The following NLRP4 variants were observed in gnomAD, a reference collection of about 807,000 sequenced individuals.
The protein encoded by NLRP4 is NACHT, LRR and PYD domains-containing protein 4.
NLRP4 carries 44 observed loss-of-function variants against 84.7 expected under a neutral mutation model. The observed-to-expected ratio is 0.52, with a 90% CI of 0.41 to 0.67. The LOEUF is 0.67. Among genes scored for constraint, NLRP4 ranks in the 30% least tolerant of loss-of-function variants. NLRP4 has a pLI of 0.00. For missense variants in NLRP4, 1,260 were observed against 1,219.4 expected (o/e 1.03, Z -0.50); for synonymous variants, 544 against 476.4 (o/e 1.14, Z -1.85).
intron 5 of NLRP4, among the ~76,000 whole-genome samples, chr19:55,862,958 T>G (rs943022951): frequency 3.3e-5 from 5 of 152,210 alleles, no homozygotes; most frequent in Non-Finnish European, 2.9e-5. Context: ...TCTGGCAGAT[T>G]ATGTAACCCA....
chr19:55,879,644 C>T (rs1210439049), intron 9 of NLRP4, among the ~76,000 whole-genome samples: 1 of 152,184 alleles, frequency 6.6e-6, no homozygotes, highest in Non-Finnish European at 1.5e-5. Flanking sequence ...ACTGGCGCAG[C>T]TGCTGGCATT....
At position 55,881,651 on chromosome 19, in the gene NLRP4, C is replaced by T. The variant is rs1053213929; in HGVS notation, c.*64C>T. Reference sequence around the variant, plus strand: ...GGACAGGGACTGGGACCGTTACTTACATGACACTGCACCCAGGAGATACAA... The same window carrying T: ...GGACAGGGACTGGGACCGTTACTTATATGACACTGCACCCAGGAGATACAA... On this transcript the variant is annotated 3_prime_UTR_variant, in exon 10 of 10. Transcript: ENST00000301295. 1.3e-6 allele frequency: 1 copy of T among 759,138 alleles called. No homozygotes were observed. The highest frequency in any genetic ancestry group is 2.3e-6 in the Non-Finnish European group (1 of 429,978). 47.0% of individuals were successfully genotyped at this position (759,138 alleles called of 1,614,324 possible). A position where few individuals can be genotyped will look rare whatever the true frequency, so the allele number is the denominator to read the frequency against.
chr19:55,859,290 G>A (rs747357324), intron 3 of NLRP4, 41 bp downstream of exon 3: 2 of 1,516,394 alleles, frequency 1.3e-6, no homozygotes, highest in African/African-American at 2.8e-5. Context: ...CTCAGAATCT[G>A]TCTGTATTCC....
intron 1 of NLRP4, among the ~76,000 whole-genome samples, chr19:55,842,532 T>C (rs1983650662): frequency 6.6e-6 from 1 of 151,882 alleles, no homozygotes. Flanking sequence ...CCTTTTTCTT[T>C]TTTTTTTAGA....
Position 55,861,599 on chromosome 19 carries a change from A to G in NLRP4, c.2018+52A>G, listed in dbSNP as rs759913191. ...AGTATGTCACGGAGATGACCTATTC[A>G]TCTCACCTCTAGCTTTCAGTCGAGG... On this transcript the variant is annotated intron_variant, in intron 4 of 9. Transcript: ENST00000301295. 6 of 1,541,698 alleles carry G rather than the reference A, an allele frequency of 3.9e-6. No individual in the cohort carries two copies. In the African/African-American group the frequency reaches 6.8e-5, roughly 17 times the overall value.
Position 55,846,865 on chromosome 19 carries a change from A to G in NLRP4, c.-65-5151A>G, listed in dbSNP as rs181842721. ...ACGCAGGGGAGAAGCCATGAAGGTC[A>G]CCTTTCCATCATCATATTCTCATTC... On this transcript the variant is annotated intron_variant, in intron 1 of 9. Transcript: ENST00000301295. 3.0e-4 allele frequency among the ~76,000 whole-genome samples: 45 copies of G among 152,276 alleles called. 1 individual carries two copies. Among genetic ancestry groups the G allele is most frequent in the African/African-American group, 9.1e-4 (38 of 41,562 alleles).
rs1393089238 is a variant in NLRP4 at position 55,861,563 on chromosome 19, A to G, written c.2018+16A>G. ...AGAAGCTTGGGTGAGTTGAGAATCG[A>G]CTTCGACTCGAGTATGTCACGGAGA... On this transcript the variant is annotated intron_variant, in intron 4 of 9. Transcript: ENST00000301295. 1.5e-5 allele frequency: 24 copies of G among 1,611,430 alleles called. No homozygotes were observed. The highest frequency in any genetic ancestry group is 2.0e-5 in the Non-Finnish European group (24 of 1,178,052).
At chr19:55,859,462 A>G (rs777785911) in intron 3 of NLRP4, among the ~76,000 whole-genome samples, 10 of 152,086 alleles carry the variant, frequency 6.6e-5, no homozygotes, top group Admixed American at 2.0e-4. Flanking sequence ...CCCATTACAG[A>G]AGGGGGAATA....
intron 2 of NLRP4, among the ~76,000 whole-genome samples, chr19:55,853,954 T>G (rs1470973170): frequency 6.6e-6 from 1 of 151,634 alleles, no homozygotes; most frequent in Non-Finnish European, 1.5e-5. Flanking sequence ...TGTCTTTCTC[T>G]CTATTTCTCT....
chr19:55,849,712 A>T (rs970185770), intron 1 of NLRP4, among the ~76,000 whole-genome samples: 1 of 152,248 alleles, frequency 6.6e-6, no homozygotes, highest in African/African-American at 2.4e-5. Flanking sequence ...ACTGAGAAAA[A>T]TGTAATTTCT....
intron 3 of NLRP4, among the ~76,000 whole-genome samples, chr19:55,860,201 G>A (rs1984693896): frequency 6.6e-6 from 1 of 151,950 alleles, no homozygotes; most frequent in African/African-American, 2.4e-5. Context: ...TGGCCAGGAT[G>A]GTCTCGATCT....
rs200771466 is a variant in NLRP4, at chr19:55,881,490, A to G, written c.2888A>G (p.Asp963Gly). 4 of 1,597,070 alleles carry G rather than the reference A, an allele frequency of 2.5e-6. No homozygotes were observed. In the Admixed American group the frequency reaches 5.0e-5, roughly 20 times the overall value. Reference protein sequence around the residue: ...QVLGLRKTDFDEETQALLTAE... With the variant: ...QVLGLRKTDFGEETQALLTAE... ...ACCAGGCTGAGAAAAACTGATTTTG[A>G]TGAGGAAACCCAGGCACTTCTGACG... Residue 963 changes from aspartate to glycine, a missense_variant, in exon 10 of 10, where the codon GAT becomes GGT. Around this residue, in one of 3 missense-constraint regions of NLRP4, gnomAD observed 544 missense variants for 531.7 expected, o/e 1.02. Coordinates refer to ENST00000301295, the MANE Select transcript of NLRP4 (RefSeq NM_134444.5).
intron 9 of NLRP4, among the ~76,000 whole-genome samples, chr19:55,880,228 T>A (rs778289042): frequency 4.6e-5 from 7 of 152,222 alleles, no homozygotes; most frequent in Non-Finnish European, 7.3e-5. Context: ...TCCATCCTTA[T>A]AAATCTCCAC....
chr19:55,870,175 G>A (rs919699983), intron 6 of NLRP4, among the ~76,000 whole-genome samples: 1 of 152,078 alleles, frequency 6.6e-6, no homozygotes, highest in Non-Finnish European at 1.5e-5. Context: ...CTACACATGA[G>A]GTAATCAATA....
At chr19:55,863,137 A>C (rs1214355350) in intron 5 of NLRP4, among the ~76,000 whole-genome samples, 4 of 152,212 alleles carry the variant, frequency 2.6e-5, no homozygotes, top group African/African-American at 4.8e-5. Context: ...TCCATGAGAA[A>C]GAACACTCTC....
At chr19:55,876,970 A>C (rs1985396083) in intron 7 of NLRP4, 26 bp from the exon 8 acceptor site, 1 of 1,597,610 alleles carries the variant, frequency 6.3e-7, no homozygotes, top group South Asian at 1.1e-5. Context: ...ATAGCCTTTA[A>C]GCATGGTACC....
At chr19:55,872,852 A>G (rs569382533) in intron 7 of NLRP4, among the ~76,000 whole-genome samples, 1 of 152,334 alleles carries the variant, frequency 6.6e-6, no homozygotes, top group East Asian at 1.9e-4. Context: ...ATAGTGGAGA[A>G]ACTGCAGAAC....
chr19:55,879,205 C>G (rs140488130), intron 9 of NLRP4, among the ~76,000 whole-genome samples: 3 of 151,980 alleles, frequency 2.0e-5, no homozygotes, highest in Non-Finnish European at 4.4e-5. Flanking sequence ...GGGTAACACC[C>G]GAGGTTCATT....
chr19:55,841,937 G>A (rs567647390), intron 1 of NLRP4, among the ~76,000 whole-genome samples: 1 of 152,292 alleles, frequency 6.6e-6, no homozygotes, highest in African/African-American at 2.4e-5. Flanking sequence ...CTTTTTTAAA[G>A]AGGTATATAC....
Sources: gnomAD v4.1 joint callset for allele counts (sites outside exome capture counted in the v4.1 genomes callset) on GRCh38, gnomAD v4.1.1 for gene constraint, gnomAD v4.1.1 regional missense constraint, MANE v1.5 for transcripts, NCBI Gene and HGNC (gene_info 2026-07-23, HGNC 2026-07-21) for gene names.